Variants in EYS observed in about 807,000 individuals in gnomAD.
The protein encoded by EYS is EGF-like photoreceptor maintenance factor, also known as protein eyes shut homolog.
A neutral mutation model predicts 282.1 loss-of-function variants in EYS; 250 were observed. The observed-to-expected ratio is 0.89, with a 90% CI of 0.80 to 0.98. The LOEUF (loss-of-function observed/expected upper bound fraction) is 0.98. EYS is among the 50% of genes least tolerant of loss of function. The pLI is 0.00. For missense variants in EYS, 4,016 were observed against 3,709.0 expected, an observed-to-expected ratio of 1.08 and a Z score of -2.15; for synonymous variants, 1,355 against 1,282.9, an observed-to-expected ratio of 1.06 and a Z score of -1.20.
chr6:65,484,075 C>G (rs1425031265), intron 5 of EYS, among the ~76,000 whole-genome samples: 2 of 151,744 alleles, frequency 1.3e-5, no homozygotes, highest in Admixed American at 6.6e-5. Context: ...ATATTTTATA[C>G]ATCTTTTAAA....
intron 11 of EYS, among the ~76,000 whole-genome samples, chr6:65,320,233 A>C: frequency 1.2e-5 from 1 of 82,244 alleles, no homozygotes; most frequent in Admixed American, 1.6e-4. Context: ...TTGGGCTGCG[A>C]GTCAGCCAAT....
At chr6:64,554,365 G>A (rs1352750444) in intron 26 of EYS, among the ~76,000 whole-genome samples, 1 of 152,140 alleles carries the variant, frequency 6.6e-6, no homozygotes, top group East Asian at 1.9e-4. Flanking sequence ...AAAAGGATAT[G>A]TGTCTCCTGG....
In EYS at chr6:65,306,864, A is replaced by G. The variant is rs1158249224; in HGVS notation, c.1767-10745T>C. On this transcript the variant is annotated intron_variant, in intron 11 of 42. Transcript: ENST00000503581. ...AAAAAAAAAAAAAAAAAAAAAAAAG[A>G]AAGTCTAGATTTTGTAGTCTTCCTC... Among the ~76,000 whole-genome samples the G allele has an allele frequency of 1.1e-4, 15 of 131,470 alleles. No individual in the cohort carries two copies. The South Asian group carries it at 2.0e-3, about 18-fold the overall frequency. 86.2% of individuals were successfully genotyped at this position (131,470 alleles called of 152,430 possible). A position where few individuals can be genotyped will look rare whatever the true frequency, so the allele number is the denominator to read the frequency against.
chr6:63,872,605 A>G (rs1214503429), intron 35 of EYS, among the ~76,000 whole-genome samples: 1 of 150,792 alleles, frequency 6.6e-6, no homozygotes, highest in Non-Finnish European at 1.5e-5. Flanking sequence ...CAGCCTCTCA[A>G]GTAGCTGGGA....
At chr6:64,996,098 A>G (rs1771253949) in intron 14 of EYS, among the ~76,000 whole-genome samples, 1 of 152,148 alleles carries the variant, frequency 6.6e-6, no homozygotes, top group Non-Finnish European at 1.5e-5. Flanking sequence ...CCTGCAAGTA[A>G]AAGGAACTCT....
chr6:63,761,730 A>G (rs1420614294), intron 41 of EYS, among the ~76,000 whole-genome samples: 3 of 152,082 alleles, frequency 2.0e-5, no homozygotes, highest in Non-Finnish European at 4.4e-5. Context: ...AGGATAGAGA[A>G]ATAGTAGATA....
rs190843526 is a variant in EYS at position 64,865,531 on chromosome 6, A to C, written c.2992+21166T>G. On this transcript the variant is annotated intron_variant, in intron 19 of 42. Transcript: ENST00000503581. ...AAAATAAAGTTTAATATAGGTGTGC[A>C]TTGGAATGCATATATTGAAAAAGTT... is the stretch of plus-strand genomic sequence containing the variant. Among the ~76,000 whole-genome samples the C allele has an allele frequency of 1.1e-3, 167 of 152,278 alleles. 1 individual carries two copies. The highest frequency in any genetic ancestry group is 4.0e-3 in the African/African-American group (165 of 41,570).
chr6:64,392,150 G>T (rs1452327256), intron 28 of EYS, among the ~76,000 whole-genome samples: 1 of 137,758 alleles, frequency 7.3e-6, no homozygotes, highest in African/African-American at 2.6e-5. Context: ...CCTACAAAGA[G>T]ACTTAGACTC....
At chr6:64,950,500 T>C (rs1276670448) in intron 14 of EYS, among the ~76,000 whole-genome samples, 1 of 151,566 alleles carries the variant, frequency 6.6e-6, no homozygotes, top group Admixed American at 6.6e-5. Context: ...AAAACAGTAA[T>C]GTATTTAAAA....
intron 28 of EYS, among the ~76,000 whole-genome samples, chr6:64,423,879 T>C (rs1025571321): frequency 6.6e-6 from 1 of 152,168 alleles, no homozygotes; most frequent in African/African-American, 2.4e-5. Context: ...TCTGAATGGG[T>C]CACGTTACTT....
intron 2 of EYS, among the ~76,000 whole-genome samples, chr6:65,632,380 A>C (rs1751151449): frequency 6.6e-6 from 1 of 152,182 alleles, no homozygotes; most frequent in African/African-American, 2.4e-5. Context: ...ATGTCTAATA[A>C]AATTTTTCTG....
intron 28 of EYS, among the ~76,000 whole-genome samples, chr6:64,400,643 A>C (rs1441994866): frequency 6.6e-6 from 1 of 152,116 alleles, no homozygotes; most frequent in Non-Finnish European, 1.5e-5. Flanking sequence ...CAGTCCTACA[A>C]CATTATTGTT....
At chr6:65,300,833 A>G (rs1465941888) in intron 11 of EYS, 3 of 152,230 alleles carry the variant, frequency 2.0e-5, no homozygotes, top group Non-Finnish European at 4.4e-5. Flanking sequence ...GAATAGGGAA[A>G]AATACCTTGT....
chr6:65,262,721 T>C (rs1485582415), intron 12 of EYS, among the ~76,000 whole-genome samples: 1 of 152,146 alleles, frequency 6.6e-6, no homozygotes, highest in Admixed American at 6.6e-5. Flanking sequence ...ACCCAATTTA[T>C]TTAAAGTACA....
intron 21 of EYS, among the ~76,000 whole-genome samples, chr6:64,813,854 G>T (rs1764671818): frequency 6.6e-6 from 1 of 151,782 alleles, no homozygotes; most frequent in African/African-American, 2.4e-5. Flanking sequence ...AACTGCCCCT[G>T]CCCCCAATAA....
intron 29 of EYS, among the ~76,000 whole-genome samples, chr6:64,319,732 C>T (rs10680190): frequency 0.05 from 4,935 of 98,556 alleles, 243 homozygotes; most frequent in African/African-American, 0.17. Context: ...GATGGATAGA[C>T]AGATAGATAG....
intron 22 of EYS, among the ~76,000 whole-genome samples, chr6:64,807,590 C>T (rs1183297379): frequency 6.6e-6 from 1 of 152,094 alleles, no homozygotes; most frequent in East Asian, 1.9e-4. Flanking sequence ...TGTAACTTTT[C>T]TCTACTTCAG....
At chr6:65,277,194 G>A (rs1768071862) in intron 12 of EYS, among the ~76,000 whole-genome samples, 2 of 152,074 alleles carry the variant, frequency 1.3e-5, no homozygotes, top group East Asian at 3.9e-4. Context: ...CAGCACTTTG[G>A]GAGGCCAAGG....
chr6:65,515,230 A>G (rs1767077423), intron 2 of EYS, among the ~76,000 whole-genome samples: 1 of 151,456 alleles, frequency 6.6e-6, no homozygotes, highest in African/African-American at 2.4e-5. Flanking sequence ...GCAAATCAAA[A>G]CCACAATGAG....
Sources: allele counts gnomAD v4.1 joint callset (sites outside exome capture counted in the v4.1 genomes callset), GRCh38; gene constraint gnomAD v4.1.1; transcripts MANE v1.5; gene names NCBI Gene and HGNC (gene_info 2026-07-23, HGNC 2026-07-21).